Variants in SPAG6 observed in about 807,000 individuals in gnomAD.
SPAG6 encodes sperm associated antigen 6, also known as sperm-associated antigen 6.
In SPAG6, 49 loss-of-function variants were observed where a neutral mutation model predicts 58.5. The observed-to-expected ratio is 0.84, with a 90% confidence interval of 0.67 to 1.06. The LOEUF is 1.06. SPAG6 is among the 50% of genes least tolerant of loss of function. SPAG6 has a pLI of 0.00. For synonymous variants in SPAG6, 233 were observed against 225.6 expected (o/e 1.03, Z -0.29); for missense variants, 560 against 611.3 (o/e 0.92, Z 0.89).
intron 4 of SPAG6, among the ~76,000 whole-genome samples, chr10:22,382,116 C>G (rs1833970785): frequency 6.6e-6 from 1 of 152,080 alleles, no homozygotes; most frequent in Non-Finnish European, 1.5e-5. Flanking sequence ...AAATTGTATG[C>G]ACATACCCTC....
At chr10:22,409,916 C>G (rs927224477) in intron 9 of SPAG6, among the ~76,000 whole-genome samples, 1 of 152,128 alleles carries the variant, frequency 6.6e-6, no homozygotes, top group African/African-American at 2.4e-5. Flanking sequence ...TCTATCCTAC[C>G]GTGGTCTACT....
intron 2 of SPAG6, among the ~76,000 whole-genome samples, chr10:22,347,105 G>C (rs1223859329): frequency 6.6e-6 from 1 of 152,080 alleles, no homozygotes; most frequent in African/African-American, 2.4e-5. Flanking sequence ...GCACAGTCAA[G>C]ATACAGAACA....
chr10:22,416,039 A>C (rs1452536406), intron 10 of SPAG6, among the ~76,000 whole-genome samples: 4 of 152,144 alleles, frequency 2.6e-5, no homozygotes, highest in African/African-American at 9.7e-5. Flanking sequence ...AAAAATGATT[A>C]ATTTCCTAGG....
chr10:22,352,831 G>A (rs1836768191), intron 2 of SPAG6, among the ~76,000 whole-genome samples: 1 of 152,094 alleles, frequency 6.6e-6, no homozygotes, highest in Admixed American at 6.5e-5. Context: ...TTATTACATG[G>A]TATAGGTATA....
chr10:22,409,121 T>C lies in SPAG6; in HGVS notation c.1315-1910T>C, dbSNP rs150156785. On this transcript the variant is annotated intron_variant, in intron 9 of 10. Transcript: ENST00000376624. ...CACGCTGGGAGCTGTAGACCGGAGC[T>C]GTTCCTATTCGGCCATCTTGGCTCC... is the stretch of plus-strand genomic sequence containing the variant. Among the ~76,000 whole-genome samples the C allele has an allele frequency of 7.9e-3, 1,210 of 152,312 alleles. 9 individuals are homozygous for C. The highest frequency in any genetic ancestry group is 0.027 in the African/African-American group (1,143 of 41,570).
intron 10 of SPAG6, among the ~76,000 whole-genome samples, chr10:22,414,241 C>T (rs1315084036): frequency 6.6e-6 from 1 of 152,090 alleles, no homozygotes; most frequent in Non-Finnish European, 1.5e-5. Context: ...TAATAATAAC[C>T]CCAATTCTCT....
intron 9 of SPAG6, among the ~76,000 whole-genome samples, chr10:22,402,684 A>T (rs1217028319): frequency 1.3e-5 from 2 of 152,218 alleles, no homozygotes; most frequent in Non-Finnish European, 2.9e-5. Flanking sequence ...GGATGTGAGG[A>T]ATATAATGGC....
chr10:22,348,186 C>T (rs977856594), intron 2 of SPAG6, among the ~76,000 whole-genome samples: 1 of 152,070 alleles, frequency 6.6e-6, no homozygotes, highest in Admixed American at 6.6e-5. Flanking sequence ...AGACGGGGTT[C>T]CAGCATGTTG....
chr10:22,406,160 T>G (rs568008365), intron 9 of SPAG6, among the ~76,000 whole-genome samples: 4 of 152,362 alleles, frequency 2.6e-5, no homozygotes. Context: ...TGATTTTAGT[T>G]ATTTCTTGCC....
Position 22,345,647 on chromosome 10 carries a change from G to A in SPAG6, c.25+11G>A, listed in dbSNP as rs748377123. 6.4e-6 allele frequency: 10 copies of A among 1,551,820 alleles called. No homozygotes were observed. In the South Asian group the frequency reaches 1.2e-4, roughly 18 times the overall value. ...GGCAGGTGCTGCAAGGTAGGGCCGA[G>A]GCGGGCAGGTGCCCTAACTAGCTGG... On this transcript the variant is annotated intron_variant, in intron 1 of 10. Transcript: ENST00000376624. The surrounding 1 kb of genome is among the most constrained non-coding windows in gnomAD (Gnocchi z 6.3).
chr10:22,408,698 A>C (rs1269303442), intron 9 of SPAG6, among the ~76,000 whole-genome samples: 1 of 152,198 alleles, frequency 6.6e-6, no homozygotes, highest in East Asian at 1.9e-4. Flanking sequence ...TGTTTACCTA[A>C]GCAAGCCTGG....
At chr10:22,351,191 G>C (rs1224579027) in intron 2 of SPAG6, among the ~76,000 whole-genome samples, 1 of 152,162 alleles carries the variant, frequency 6.6e-6, no homozygotes, top group African/African-American at 2.4e-5. Context: ...TTGAGTGGAG[G>C]CCAGATGCAG....
chr10:22,351,440 G>A (rs1836725416), intron 2 of SPAG6, among the ~76,000 whole-genome samples: 1 of 152,196 alleles, frequency 6.6e-6, no homozygotes, highest in African/African-American at 2.4e-5. Flanking sequence ...TCTGCATGAA[G>A]TGCAGGCTAG....
intron 4 of SPAG6, among the ~76,000 whole-genome samples, chr10:22,385,110 G>A (rs558568402): frequency 3.3e-5 from 5 of 152,068 alleles, no homozygotes; most frequent in African/African-American, 9.6e-5. Context: ...GGATAGAGTC[G>A]AATTCTTAAG....
At chr10:22,352,116 GC>G (rs903017370) in intron 2 of SPAG6, among the ~76,000 whole-genome samples, 2 of 151,830 alleles carry the variant, frequency 1.3e-5, no homozygotes, top group Non-Finnish European at 2.9e-5. Context: ...ACCCGAGATC[GC>G]TCCACTGTGC....
chr10:22,411,116 G>A lies in SPAG6; in HGVS notation c.1400G>A (p.Gly467Asp). Residue 467 changes from glycine to aspartate, a missense_variant, in exon 10 of 11, where the codon GGT (glycine) becomes GAT (aspartate). Physicochemically the swap from Gly to Asp is moderately conservative, Grantham distance 94 (BLOSUM62 -1). Transcript: ENST00000376624. ...GTTCAAGAGATAAAAGCAGAACCTG[G>A]TTCTCTCCTTCAAGAATACATCAAC... ...KKVQEIKAEP[G>D]SLLQEYINSI... 6.2e-7 allele frequency: 1 copy of A among 1,613,986 alleles called. No individual in the cohort carries two copies. The highest frequency in any genetic ancestry group is 2.2e-5 in the East Asian group (1 of 44,868).
Position 22,411,091 on chromosome 10 carries a change from G to T in SPAG6, c.1375G>T (p.Val459Phe). The T allele has an allele frequency of 1.9e-6, 3 of 1,613,956 alleles. No homozygotes were observed. Among genetic ancestry groups the T allele is most frequent in the Admixed American group, 3.3e-5 (2 of 59,976 alleles). The change falls in exon 10 of 11, where the codon GTT (valine) becomes TTT (phenylalanine). Residue 459 changes from valine (V) to phenylalanine (F), a missense_variant. Transcript: ENST00000376624. ...LFVTSGGLKK[V>F]QEIKAEPGSL... Reference sequence around the variant, plus strand: ...TGTAACAAGTGGTGGCCTTAAAAAAGTTCAAGAGATAAAAGCAGAACCTGG... The same window carrying T: ...TGTAACAAGTGGTGGCCTTAAAAAATTTCAAGAGATAAAAGCAGAACCTGG...
chr10:22,365,592 G>A (rs1945941303), intron 3 of SPAG6, among the ~76,000 whole-genome samples: 1 of 152,008 alleles, frequency 6.6e-6, no homozygotes, highest in South Asian at 2.1e-4. Flanking sequence ...CCAGCTATTT[G>A]GTTTTCACAG....
intron 2 of SPAG6, among the ~76,000 whole-genome samples, chr10:22,352,142 C>G (rs1364034315): frequency 6.6e-6 from 1 of 151,074 alleles, no homozygotes; most frequent in African/African-American, 2.4e-5. Context: ...GCCTGGGCGA[C>G]AGAGCGAGAC....
Sources: gnomAD v4.1 joint callset for allele counts (sites outside exome capture counted in the v4.1 genomes callset) on GRCh38, gnomAD v4.1.1 for gene constraint, Gnocchi (gnomAD v3.1) non-coding constraint, MANE v1.5 for transcripts, NCBI Gene and HGNC (gene_info 2026-07-23, HGNC 2026-07-21) for gene names.